CENPP: variants seen among roughly 807,000 people sequenced by gnomAD.
The protein encoded by CENPP is centromere protein P.
CENPP carries 24 observed loss-of-function variants against 35.6 expected under a neutral mutation model. The observed-to-expected ratio is 0.67, with a 90% CI of 0.49 to 0.95. CENPP has a LOEUF of 0.95. Among genes scored for constraint, CENPP ranks in the 40% least tolerant of loss-of-function variants. The pLI is 0.00. For synonymous variants in CENPP, 120 were observed against 125.5 expected (o/e 0.96, Z 0.29); for missense variants, 332 against 345.3 (o/e 0.96, Z 0.31).
At chr9:92,532,747 T>C (rs1156965678) in intron 5 of CENPP, among the ~76,000 whole-genome samples, 3 of 152,198 alleles carry the variant, frequency 2.0e-5, no homozygotes, top group Admixed American at 2.0e-4. Context: ...TTTAAACATA[T>C]TAAAAATATT....
At chr9:92,486,787 T>C (rs1287452319) in intron 5 of CENPP, among the ~76,000 whole-genome samples, 1 of 151,880 alleles carries the variant, frequency 6.6e-6, no homozygotes, top group Non-Finnish European at 1.5e-5. Flanking sequence ...TGTCAATTTT[T>C]TTTTTTTTTT....
In CENPP at chr9:92,615,610, T is replaced by C; in HGVS notation, c.*2461T>C. On this transcript the variant is annotated 3_prime_UTR_variant, in exon 8 of 8. Transcript: ENST00000375587. ...TTAACGGACACTTCCATTTTAAGAG[T>C]GTGAGCAGCTTCCTGGGACACAGCA... 4 of 526,538 alleles carry C rather than the reference T, an allele frequency of 7.6e-6. No individual in the cohort carries two copies. In the South Asian group the frequency reaches 8.5e-5, roughly 11 times the overall value. 32.6% of individuals were successfully genotyped at this position (526,538 alleles called of 1,614,324 possible). A position where few individuals can be genotyped will look rare whatever the true frequency, so the allele number is the denominator to read the frequency against.
chr9:92,474,976 T>G, intron 5 of CENPP: 1 of 1,449,762 alleles, frequency 6.9e-7, no homozygotes, highest in Non-Finnish European at 9.1e-7. Context: ...TTCCTGCATA[T>G]ATACATTTCT....
intron 5 of CENPP, among the ~76,000 whole-genome samples, chr9:92,394,606 T>C (rs1842817758): frequency 6.6e-6 from 1 of 151,788 alleles, no homozygotes. Flanking sequence ...ATTTTTTGAA[T>C]TTTTTTTCTT....
At chr9:92,480,072 G>A (rs1845858842) in intron 5 of CENPP, among the ~76,000 whole-genome samples, 1 of 152,066 alleles carries the variant, frequency 6.6e-6, no homozygotes, top group South Asian at 2.1e-4. Context: ...TGTTTTATTA[G>A]TTTTGGCAGT....
chr9:92,326,054 G>T lies in CENPP; in HGVS notation c.56G>T (p.Arg19Leu). Residue 19 changes from arginine (R) to leucine (L), a missense_variant, in exon 1 of 8, where the codon CGG becomes CTG. Transcript: ENST00000375587. Reference protein sequence around the residue: ...RALQAEIAALRRACEDPPAPW... With the variant: ...RALQAEIAALLRACEDPPAPW... ...TTGCAAGCTGAGATCGCGGCCCTGC[G>T]GCGAGCGTGTGAGGACCCACCGGCG... The T allele has an allele frequency of 6.4e-7, 1 of 1,564,604 alleles. No individual in the cohort carries two copies. Among genetic ancestry groups the T allele is most frequent in the Non-Finnish European group, 8.7e-7 (1 of 1,155,462 alleles).
chr9:92,360,345 T>C (rs1327516841), intron 4 of CENPP, among the ~76,000 whole-genome samples: 3 of 152,192 alleles, frequency 2.0e-5, no homozygotes, highest in East Asian at 1.9e-4. Context: ...TTCACATGTA[T>C]GTGCTGAAAA....
intron 5 of CENPP, chr9:92,496,097 A>C: frequency 8.5e-7 from 1 of 1,172,830 alleles, no homozygotes; most frequent in Non-Finnish European, 1.1e-6. Flanking sequence ...TTCTAGAGGT[A>C]GGAAACTGAG....
At position 92,351,119 on chromosome 9, in the gene CENPP, C is replaced by T. The variant is rs577115226; in HGVS notation, c.467+5332C>T. On this transcript the variant is annotated intron_variant, in intron 4 of 7. Coordinates refer to ENST00000375587, the MANE Select transcript of CENPP (RefSeq NM_001012267.3). ...CAACTCAACCATGTTAAAGAGTACA[C>T]TTCAATAATAGTAAATACATTCATT... 5.3e-5 allele frequency among the ~76,000 whole-genome samples: 8 copies of T among 152,282 alleles called. 1 individual carries two copies. In the East Asian group the frequency reaches 1.5e-3, roughly 29 times the overall value.
At chr9:92,594,568 C>T (rs1850732786) in intron 5 of CENPP, among the ~76,000 whole-genome samples, 1 of 152,154 alleles carries the variant, frequency 6.6e-6, no homozygotes. Context: ...GACTTTTCAT[C>T]GCCCCTCAAG....
intron 5 of CENPP, among the ~76,000 whole-genome samples, chr9:92,545,586 C>T (rs1214661245): frequency 6.6e-6 from 1 of 152,222 alleles, no homozygotes; most frequent in East Asian, 1.9e-4. Context: ...GCCCCCTGCT[C>T]CACCGCGTCC....
At chr9:92,525,883 ACT>A (rs1848367975) in intron 5 of CENPP, among the ~76,000 whole-genome samples, 1 of 135,800 alleles carries the variant, frequency 7.4e-6, no homozygotes, top group South Asian at 2.4e-4. Context: ...GTGCAGAGAG[ACT>A]CTATCTCCAA....
rs896054569 is a variant in CENPP, at chr9:92,440,892, C to G, written c.564+61033C>G. ...TGTTCAGTAAGTCCTCACTTAACAT[C>G]GTCAATGGGTTCTTTGAAACTGCGA... On this transcript the variant is annotated intron_variant, in intron 5 of 7. Coordinates refer to ENST00000375587, the MANE Select transcript of CENPP (RefSeq NM_001012267.3). 2.0e-4 allele frequency among the ~76,000 whole-genome samples: 31 copies of G among 152,180 alleles called. 1 individual carries two copies. Among genetic ancestry groups the G allele is most frequent in the Admixed American group, 5.2e-4 (8 of 15,282 alleles).
intron 5 of CENPP, among the ~76,000 whole-genome samples, chr9:92,551,746 C>G (rs979430331): frequency 1.3e-5 from 2 of 151,708 alleles, no homozygotes; most frequent in Non-Finnish European, 1.5e-5. Context: ...TAGCTTAGCT[C>G]CCACATATCA....
At chr9:92,609,135 T>C (rs1168275679) in intron 5 of CENPP, among the ~76,000 whole-genome samples, 1 of 152,238 alleles carries the variant, frequency 6.6e-6, no homozygotes, top group Non-Finnish European at 1.5e-5. Context: ...GGTATACATT[T>C]TCTTATGGAA....
In CENPP at chr9:92,586,429, A is replaced by G. The variant is rs781144498; in HGVS notation, c.565-24885A>G. On this transcript the variant is annotated intron_variant, in intron 5 of 7. Coordinates refer to ENST00000375587, the MANE Select transcript of CENPP (RefSeq NM_001012267.3). The stretch of plus-strand genomic sequence containing the variant: ...AGAGCAAGCAGCAGACAAATCCAAA[A>G]ACCCTCGAAGGAGGAGGCTGGGGGA... 4.8e-4 allele frequency among the ~76,000 whole-genome samples: 73 copies of G among 152,076 alleles called. 1 individual carries two copies. Among genetic ancestry groups the G allele is most frequent in the Non-Finnish European group, 5.4e-4 (37 of 68,022 alleles).
chr9:92,589,632 T>C (rs1850622325), intron 5 of CENPP, among the ~76,000 whole-genome samples: 1 of 152,234 alleles, frequency 6.6e-6, no homozygotes, highest in Non-Finnish European at 1.5e-5. Flanking sequence ...CTTCTTTACA[T>C]TTTTACCTGC....
intron 5 of CENPP, among the ~76,000 whole-genome samples, chr9:92,388,369 C>T (rs112560604): frequency 1.8e-4 from 27 of 151,604 alleles, no homozygotes; most frequent in African/African-American, 5.3e-4. Flanking sequence ...ACCATGTTGG[C>T]CAGGCTGGTC....
chr9:92,337,876 T>C (rs142154504), intron 3 of CENPP, among the ~76,000 whole-genome samples: 1 of 152,224 alleles, frequency 6.6e-6, no homozygotes, highest in Non-Finnish European at 1.5e-5. Flanking sequence ...AGCAAGATGC[T>C]CCTGGGCTTC....
Sources: allele counts gnomAD v4.1 joint callset (sites outside exome capture counted in the v4.1 genomes callset), GRCh38; gene constraint gnomAD v4.1.1; transcripts MANE v1.5; gene names NCBI Gene and HGNC (gene_info 2026-07-23, HGNC 2026-07-21).